The following PAPPA variants were observed in gnomAD, a reference collection of about 807,000 sequenced individuals.
PAPPA encodes pappalysin 1.
In PAPPA, 60 loss-of-function variants were observed where a neutral mutation model predicts 164.0. The observed-to-expected ratio is 0.37, with a 90% CI of 0.30 to 0.45. PAPPA has a LOEUF of 0.45. Among genes scored for constraint, PAPPA ranks in the 20% least tolerant of loss-of-function variants. The pLI, the probability that PAPPA is intolerant of heterozygous loss-of-function variation, is 1.00. For synonymous variants in PAPPA, 875 were observed against 814.1 expected (o/e 1.07, Z -1.27); for missense variants, 1,782 against 2,087.3 (o/e 0.85, Z 2.85).
At chr9:116,280,829 G>A (rs1845257110) in intron 9 of PAPPA, among the ~76,000 whole-genome samples, 1 of 152,212 alleles carries the variant, frequency 6.6e-6, no homozygotes, top group South Asian at 2.1e-4. Context: ...CACTACAAAG[G>A]TGGAGTTGAG....
chr9:116,190,391 G>T (rs1468476428), intron 2 of PAPPA, among the ~76,000 whole-genome samples: 1 of 152,164 alleles, frequency 6.6e-6, no homozygotes. Context: ...CAAGTGCCAG[G>T]AAAGTGGATA....
At chr9:116,289,386 G>GGCATATATATGGCA (rs1564212486) in intron 9 of PAPPA, among the ~76,000 whole-genome samples, 6 of 47,956 alleles carry the variant, frequency 1.3e-4, no homozygotes, top group African/African-American at 2.1e-4. Context: ...TATAGCATAT[G>GGCATATATATGGCA]TATATATAGC....
At chr9:116,248,065 T>C (rs954550854) in intron 7 of PAPPA, among the ~76,000 whole-genome samples, 2 of 152,222 alleles carry the variant, frequency 1.3e-5, no homozygotes, top group African/African-American at 4.8e-5. Context: ...ACTACGCTTG[T>C]TCTTGGCCAG....
Position 116,186,335 on chromosome 9 carries a change from T to C in PAPPA, c.416-819T>C, listed in dbSNP as rs367553517. Among the ~76,000 whole-genome samples the C allele has an allele frequency of 4.6e-5, 7 of 151,780 alleles. No homozygotes were observed. The South Asian group carries it at 1.2e-3, about 27-fold the overall frequency. On this transcript the variant is annotated intron_variant, in intron 1 of 21. Coordinates refer to ENST00000328252, the MANE Select transcript of PAPPA (RefSeq NM_002581.5). ...GCATCAGTGTAAGAAGAAAGCTGAATTGGGACACAGGGGAACTGTCAATGA... is the reference window on the plus strand; with the variant it reads ...GCATCAGTGTAAGAAGAAAGCTGAACTGGGACACAGGGGAACTGTCAATGA...
chr9:116,391,397 G>C (rs922226727), intron 21 of PAPPA, among the ~76,000 whole-genome samples: 1 of 152,164 alleles, frequency 6.6e-6, no homozygotes, highest in Non-Finnish European at 1.5e-5. Flanking sequence ...CAGCCAGCAG[G>C]AGACACAGTC....
intron 10 of PAPPA, among the ~76,000 whole-genome samples, chr9:116,328,231 C>T (rs1035379714): frequency 2.0e-5 from 3 of 152,152 alleles, no homozygotes; most frequent in Non-Finnish European, 4.4e-5. Flanking sequence ...TGATACATGT[C>T]GAATTGCTGG....
chr9:116,261,774 C>G (rs750817408), intron 7 of PAPPA, among the ~76,000 whole-genome samples: 19 of 152,162 alleles, frequency 1.2e-4, no homozygotes, highest in Non-Finnish European at 1.9e-4. Context: ...ATACTGAGAT[C>G]ATATCAACCA....
chr9:116,377,452 G>A, intron 19 of PAPPA, 124 bp from the exon 20 acceptor site: 5 of 637,136 alleles, frequency 7.8e-6, no homozygotes, highest in Non-Finnish European at 1.4e-5. Context: ...CCATGTAAAA[G>A]CCAGGGTGAG....
At chr9:116,331,413 T>G in intron 11 of PAPPA, 56 bp downstream of exon 11, 1 of 992,480 alleles carries the variant, frequency 1.0e-6, no homozygotes, top group Non-Finnish European at 1.6e-6. Flanking sequence ...CAGAAAACAC[T>G]GACTCCCATG....
At chr9:116,388,575 C>A (rs1846847390) in intron 21 of PAPPA, among the ~76,000 whole-genome samples, 1 of 152,164 alleles carries the variant, frequency 6.6e-6, no homozygotes, top group Admixed American at 6.5e-5. Context: ...GACTTATTAA[C>A]TCTGTGACCT....
At chr9:116,289,028 G>A (rs954413206) in intron 9 of PAPPA, 2 of 151,008 alleles carry the variant, frequency 1.3e-5, no homozygotes, top group Non-Finnish European at 2.9e-5. Flanking sequence ...GCATCCACTT[G>A]TCCAAGCTTC....
Position 116,154,796 on chromosome 9 carries a change from C to A in PAPPA, c.415+209C>A, listed in dbSNP as rs1376216634. On this transcript the variant is annotated intron_variant, in intron 1 of 21. Coordinates refer to ENST00000328252, the MANE Select transcript of PAPPA (RefSeq NM_002581.5). This position sits in a 1 kb window ranked among gnomAD's most constrained non-coding sequence, Gnocchi z 5.2. ...GGCACACTCGGAAGGCGTAGCTGCTCCATCCCTGGGAGGAACCTGGGGAGC... is the reference window on the plus strand; with the variant it reads ...GGCACACTCGGAAGGCGTAGCTGCTACATCCCTGGGAGGAACCTGGGGAGC... Among the ~76,000 whole-genome samples the A allele has an allele frequency of 6.6e-6, 1 of 152,184 alleles. No individual in the cohort carries two copies. Among genetic ancestry groups the A allele is most frequent in the Non-Finnish European group, 1.5e-5 (1 of 68,026 alleles).
chr9:116,280,772 CAA>C (rs1845256664), intron 9 of PAPPA, among the ~76,000 whole-genome samples: 1 of 152,220 alleles, frequency 6.6e-6, no homozygotes, highest in Non-Finnish European at 1.5e-5. Flanking sequence ...TTTTCATAGA[CAA>C]AGTTTTACTG....
At position 116,277,410 on chromosome 9, in the gene PAPPA, G is replaced by A. The variant is rs116990626; in HGVS notation, c.2953+5994G>A. Among the ~76,000 whole-genome samples, 453 of 152,140 alleles carry A rather than the reference G, an allele frequency of 3.0e-3. 16 individuals carry two copies. The East Asian group carries it at 0.073, about 25-fold the overall frequency. The stretch of plus-strand genomic sequence containing the variant: ...GTGATAATATCTCAGCTAGGTTGGT[G>A]GCATTCTTAACACTGGAGTAATGAC... On this transcript the variant is annotated intron_variant, in intron 9 of 21. Transcript: ENST00000328252.
intron 10 of PAPPA, among the ~76,000 whole-genome samples, chr9:116,326,052 G>GTC (rs145568563): frequency 4.0e-5 from 6 of 150,854 alleles, no homozygotes; most frequent in South Asian, 2.1e-4. Flanking sequence ...GGATCCAGGA[G>GTC]TCTCTCTCTC....
At chr9:116,340,527 A>G (rs1032969927) in intron 13 of PAPPA, among the ~76,000 whole-genome samples, 2 of 152,194 alleles carry the variant, frequency 1.3e-5, no homozygotes, top group African/African-American at 4.8e-5. Flanking sequence ...GCTGTGTGGA[A>G]TGCAAATAAG....
At chr9:116,279,559 G>A (rs1443835155) in intron 9 of PAPPA, among the ~76,000 whole-genome samples, 1 of 152,098 alleles carries the variant, frequency 6.6e-6, no homozygotes, top group Non-Finnish European at 1.5e-5. Flanking sequence ...TGACTCTCAG[G>A]AAGGGGTCAG....
intron 9 of PAPPA, among the ~76,000 whole-genome samples, chr9:116,283,909 C>T (rs973997147): frequency 2.6e-5 from 4 of 152,146 alleles, no homozygotes; most frequent in Non-Finnish European, 5.9e-5. Context: ...TGACCAGCCC[C>T]GAAGCACAAG....
rs1564258382 is a variant in PAPPA, at chr9:116,400,453, A to T, written c.*3837A>T. ...TATTTGTTTGGTGGCAATCAGTGGT[A>T]GTAGGGAGTGGGAGGGCTTATATTG... On this transcript the variant is annotated 3_prime_UTR_variant, in exon 22 of 22. Coordinates refer to ENST00000328252, the MANE Select transcript of PAPPA (RefSeq NM_002581.5). The T allele has an allele frequency of 1.3e-5, 2 of 152,084 alleles. No homozygotes were observed. Among genetic ancestry groups the T allele is most frequent in the African/African-American group, 4.8e-5 (2 of 41,416 alleles). The allele number at this position is 152,084 out of a possible 1,614,324, so 9.4% of individuals were successfully genotyped here. A position where few individuals can be genotyped will look rare whatever the true frequency, so the allele number is the denominator to read the frequency against.
Sources: gnomAD v4.1 joint callset for allele counts (sites outside exome capture counted in the v4.1 genomes callset) on GRCh38, gnomAD v4.1.1 for gene constraint, Gnocchi (gnomAD v3.1) non-coding constraint, MANE v1.5 for transcripts, NCBI Gene and HGNC (gene_info 2026-07-23, HGNC 2026-07-21) for gene names.